Variants in BTBD9 observed in about 807,000 individuals in gnomAD.
The protein encoded by BTBD9 is BTB domain containing 9.
BTBD9 carries 49 observed loss-of-function variants against 64.3 expected under a neutral mutation model. That is an observed-to-expected ratio of 0.76 (90% CI 0.61 to 0.97). The LOEUF is 0.97. Ranked by LOEUF, BTBD9 falls within the 50% of genes least tolerant of loss-of-function variation. The probability of loss-of-function intolerance (pLI) is 0.00; values close to 1 mark genes in which losing one functional copy is unlikely to be tolerated. For synonymous variants in BTBD9, 260 were observed against 274.7 expected (o/e 0.95, Z 0.53); for missense variants, 598 against 762.1 (o/e 0.78, Z 2.53).
chr6:38,587,024 T>C (rs1182122424), intron 4 of BTBD9, among the ~76,000 whole-genome samples: 3 of 151,640 alleles, frequency 2.0e-5, no homozygotes, highest in Non-Finnish European at 4.4e-5. Context: ...GATTGTGTCG[T>C]TGCATTCCAG....
In BTBD9 at chr6:38,168,565, A is replaced by T. The variant is rs957240379; in HGVS notation, c.*6420T>A. On this transcript the variant is annotated 3_prime_UTR_variant, in exon 11 of 11. Coordinates refer to ENST00000481247, the MANE Select transcript of BTBD9 (RefSeq NM_001099272.2). The stretch of plus-strand genomic sequence containing the variant: ...CTGCCCGCTTAGGTTGCTCTGCAAA[A>T]TGAGGAAGAAGCCGCATCGTGCTCA... The T allele has an allele frequency of 1.3e-5, 2 of 152,242 alleles. No homozygotes were observed. The highest frequency in any genetic ancestry group is 2.9e-5 in the Non-Finnish European group (2 of 68,060). The allele number at this position is 152,242 out of a possible 1,614,324, so 9.4% of individuals were successfully genotyped here.
intron 6 of BTBD9, among the ~76,000 whole-genome samples, chr6:38,388,819 C>A (rs771930488): frequency 3.9e-5 from 6 of 152,132 alleles, no homozygotes; most frequent in African/African-American, 1.4e-4. Flanking sequence ...ACCTTCAGGA[C>A]TTCTGAAATA....
At chr6:38,524,236 T>A (rs1773388712) in intron 6 of BTBD9, among the ~76,000 whole-genome samples, 1 of 152,068 alleles carries the variant, frequency 6.6e-6, no homozygotes. Context: ...AATTTTTAAG[T>A]ATACAAAAGG....
At chr6:38,431,710 T>C (rs13194484) in intron 6 of BTBD9, among the ~76,000 whole-genome samples, 5,086 of 151,258 alleles carry the variant, frequency 0.034, 119 homozygotes, top group Non-Finnish European at 0.05. Context: ...TCCCCTATCA[T>C]TTCTCCTCTA....
At chr6:38,216,963 T>C (rs964863749) in intron 9 of BTBD9, among the ~76,000 whole-genome samples, 1 of 152,006 alleles carries the variant, frequency 6.6e-6, no homozygotes, top group Non-Finnish European at 1.5e-5. Flanking sequence ...AGAAGTTGCA[T>C]TTCTAATATG....
chr6:38,227,575 C>T (rs1763442009), intron 9 of BTBD9, among the ~76,000 whole-genome samples: 2 of 152,150 alleles, frequency 1.3e-5, no homozygotes, highest in African/African-American at 4.8e-5. Context: ...TGGCTGGCCA[C>T]AGTGGCAGGC....
At chr6:38,302,485 G>GTGTGTGTGTATATA (rs1554137022) in intron 7 of BTBD9, among the ~76,000 whole-genome samples, 1 of 106,908 alleles carries the variant, frequency 9.4e-6, no homozygotes, top group African/African-American at 3.5e-5. Context: ...TTGTGTGTAT[G>GTGTGTGTGTATATA]TATATATATA....
chr6:38,338,832 G>A (rs188055128), intron 7 of BTBD9, among the ~76,000 whole-genome samples: 1 of 152,226 alleles, frequency 6.6e-6, no homozygotes, highest in East Asian at 1.9e-4. Flanking sequence ...AAAGAAAAAA[G>A]GGAATGCAAA....
rs9369043 is a variant in BTBD9, at chr6:38,271,823, T to C, written c.1455-15307A>G. On this transcript the variant is annotated intron_variant, in intron 8 of 10. Coordinates refer to ENST00000481247, the MANE Select transcript of BTBD9 (RefSeq NM_001099272.2). ...CTCTTTCTTCTGTTGTTTCAAGAGA[T>C]TTTAATGCAGCAAATTCTACATGGA... Among the ~76,000 whole-genome samples, 638 of 152,248 alleles carry C rather than the reference T, an allele frequency of 4.2e-3. 37 individuals carry two copies. The East Asian group carries it at 0.11, about 27-fold the overall frequency.
chr6:38,597,007 C>T (rs1777060417), intron 2 of BTBD9, among the ~76,000 whole-genome samples: 1 of 152,168 alleles, frequency 6.6e-6, no homozygotes, highest in Admixed American at 6.5e-5. Flanking sequence ...ACAGACTCCT[C>T]ACTTTTCTAA....
At chr6:38,199,510 T>G (rs2127491301) in intron 9 of BTBD9, among the ~76,000 whole-genome samples, 1 of 152,306 alleles carries the variant, frequency 6.6e-6, no homozygotes, top group East Asian at 1.9e-4. Flanking sequence ...CAAGAGCTTA[T>G]GTTCTAATGG....
chr6:38,171,877 A>C lies in BTBD9; in HGVS notation c.*3108T>G, dbSNP rs45583841. On this transcript the variant is annotated 3_prime_UTR_variant, in exon 11 of 11. Coordinates refer to ENST00000481247, the MANE Select transcript of BTBD9 (RefSeq NM_001099272.2). ...AAAAAAAAAAAAAAAAAAAAAAAAA[A>C]AAAAATAATAATAATAATAATAATA... The C allele has an allele frequency of 9.9e-6, 1 of 100,656 alleles. No individual in the cohort carries two copies. Among genetic ancestry groups the C allele is most frequent in the South Asian group, 3.3e-4 (1 of 3,028 alleles). 6.2% of individuals were successfully genotyped at this position (100,656 alleles called of 1,614,324 possible).
chr6:38,324,038 G>A (rs551800557), intron 7 of BTBD9, among the ~76,000 whole-genome samples: 27 of 152,332 alleles, frequency 1.8e-4, no homozygotes, highest in African/African-American at 6.0e-4. Flanking sequence ...AGGAGGTGGA[G>A]GCTGCAGTGA....
rs193228001 is a variant in BTBD9, at chr6:38,291,448, A to G, written c.1265-2987T>C. ...AATCATGTCATCTGCAAACAGAGAC[A>G]ATTTGACTTCCTCTCTTCCTATTTG... On this transcript the variant is annotated intron_variant, in intron 7 of 10. Transcript: ENST00000481247. Among the ~76,000 whole-genome samples, 103 of 152,316 alleles carry G rather than the reference A, an allele frequency of 6.8e-4. 3 individuals carry two copies. The highest frequency in any genetic ancestry group is 5.8e-3 in the Admixed American group (89 of 15,302).
chr6:38,597,355 T>C (rs576605986), intron 2 of BTBD9, among the ~76,000 whole-genome samples: 84 of 152,266 alleles, frequency 5.5e-4, no homozygotes, highest in African/African-American at 1.9e-3. Flanking sequence ...CAGTAATTAA[T>C]TCAGTGATGA....
intron 9 of BTBD9, among the ~76,000 whole-genome samples, chr6:38,229,281 A>G (rs927056725): frequency 6.6e-6 from 1 of 152,224 alleles, no homozygotes; most frequent in South Asian, 2.1e-4. Flanking sequence ...TAACTGGCAA[A>G]GAGTAGACAG....
chr6:38,488,148 T>G (rs1179954502), intron 6 of BTBD9, among the ~76,000 whole-genome samples: 1 of 151,852 alleles, frequency 6.6e-6, no homozygotes, highest in Non-Finnish European at 1.5e-5. Context: ...GTAGAGACAG[T>G]GTCTTGCTGT....
intron 7 of BTBD9, among the ~76,000 whole-genome samples, chr6:38,319,754 G>A (rs900602109): frequency 6.6e-6 from 1 of 151,882 alleles, no homozygotes; most frequent in Non-Finnish European, 1.5e-5. Context: ...GCTGCCTGGG[G>A]TTGGGAGAAG....
chr6:38,526,193 TGCTCCA>T (rs2127424503), intron 6 of BTBD9, among the ~76,000 whole-genome samples: 1 of 152,358 alleles, frequency 6.6e-6, no homozygotes, highest in African/African-American at 2.4e-5. Flanking sequence ...GTATCGCACC[TGCTCCA>T]GCTCCAGCCA....
Sources: allele counts gnomAD v4.1 joint callset (sites outside exome capture counted in the v4.1 genomes callset), GRCh38; gene constraint gnomAD v4.1.1; transcripts MANE v1.5; gene names NCBI Gene and HGNC (gene_info 2026-07-23, HGNC 2026-07-21).